Variants in ELMO1 observed in about 807,000 individuals in gnomAD.
The protein encoded by ELMO1 is engulfment and cell motility protein 1.
In ELMO1, 26 loss-of-function variants were observed where a neutral mutation model predicts 98.9. The observed-to-expected ratio is 0.26, with a 90% CI of 0.19 to 0.36. The LOEUF is 0.36. ELMO1 is among the 10% of genes least tolerant of loss of function. ELMO1 has a pLI of 1.00. For missense variants in ELMO1, 627 were observed against 935.2 expected (o/e 0.67, Z 4.30); for synonymous variants, 346 against 346.0 (o/e 1.00, Z 0.00).
At position 37,156,347 on chromosome 7, in the gene ELMO1, C is replaced by CA. The variant is rs1788764052; in HGVS notation, c.1087-23114dup. On this transcript the variant is annotated intron_variant, in intron 13 of 21. Transcript: ENST00000310758. Reference sequence around the variant, plus strand: ...AGCAGAACTGAAGGAGACAGAGATACAAAAAAACCCTTCAAAAAAATCAAT... The same window carrying CA: ...AGCAGAACTGAAGGAGACAGAGATACAAAAAAAACCCTTCAAAAAAATCAAT... 2.0e-5 allele frequency among the ~76,000 whole-genome samples: 3 copies of CA among 151,820 alleles called. No individual in the cohort carries two copies. The South Asian group carries it at 6.2e-4, about 32-fold the overall frequency.
intron 1 of ELMO1, among the ~76,000 whole-genome samples, chr7:37,391,453 C>T (rs916664975): frequency 4.6e-5 from 7 of 152,114 alleles, no homozygotes; most frequent in Admixed American, 3.3e-4. Flanking sequence ...GTGTGCAAGG[C>T]CTTATAATAT....
At chr7:37,168,604 T>C (rs4361688) in intron 13 of ELMO1, among the ~76,000 whole-genome samples, 145,285 of 152,234 alleles carry the variant, frequency 0.95, 69,649 homozygotes, top group Non-Finnish European at 1. Flanking sequence ...GAGGTCCACT[T>C]CAGACCCTGT....
At chr7:37,291,202 C>T (rs35186645) in intron 4 of ELMO1, among the ~76,000 whole-genome samples, 7 of 152,200 alleles carry the variant, frequency 4.6e-5, no homozygotes, top group Non-Finnish European at 8.8e-5. Context: ...ATAATACCCC[C>T]TACACACACT....
intron 16 of ELMO1, among the ~76,000 whole-genome samples, chr7:36,967,778 A>C (rs1306286563): frequency 6.6e-6 from 1 of 152,218 alleles, no homozygotes; most frequent in Non-Finnish European, 1.5e-5. Context: ...AAGAGAATGC[A>C]ACCTAGCTAA....
intron 13 of ELMO1, among the ~76,000 whole-genome samples, chr7:37,173,094 C>A (rs1421829939): frequency 6.6e-6 from 1 of 152,230 alleles, no homozygotes; most frequent in Non-Finnish European, 1.5e-5. Flanking sequence ...AATAGCATTT[C>A]CTGTATCTTA....
intron 4 of ELMO1, among the ~76,000 whole-genome samples, chr7:37,285,991 G>C (rs74929244): frequency 0.048 from 7,200 of 151,198 alleles, 233 homozygotes; most frequent in Middle Eastern, 0.075. Flanking sequence ...AAGTGCTACA[G>C]AGACAAGAAA....
Position 36,906,622 on chromosome 7 carries a change from A to G in ELMO1, c.1438-11605T>C, listed in dbSNP as rs186963463. Among the ~76,000 whole-genome samples, 90 of 152,282 alleles carry G rather than the reference A, an allele frequency of 5.9e-4. 1 individual carries two copies. The highest frequency in any genetic ancestry group is 2.1e-3 in the African/African-American group (88 of 41,556). Reference sequence around the variant, plus strand: ...ATAACCAGACCAGTGTCCACCGCTGAGAAACTCAAGCACTTAGGTGAGGCC... The same window carrying G: ...ATAACCAGACCAGTGTCCACCGCTGGGAAACTCAAGCACTTAGGTGAGGCC... On this transcript the variant is annotated intron_variant, in intron 16 of 21. Transcript: ENST00000310758.
At chr7:37,217,797 G>A in intron 10 of ELMO1, 1 of 457,074 alleles carries the variant, frequency 2.2e-6, no homozygotes. Flanking sequence ...AAGCAAGCAG[G>A]AGAGAAGAAG....
intron 13 of ELMO1, among the ~76,000 whole-genome samples, chr7:37,192,970 GATATATATATATATATAT>G (rs374892700): frequency 0.023 from 920 of 40,096 alleles, 10 homozygotes; most frequent in South Asian, 0.048. Context: ...ATATATAGGA[GATATATATATATATATAT>G]ATATATATAT....
intron 14 of ELMO1, among the ~76,000 whole-genome samples, chr7:37,132,436 C>T (rs935511172): frequency 6.6e-6 from 1 of 152,144 alleles, no homozygotes; most frequent in Non-Finnish European, 1.5e-5. Flanking sequence ...GGGTTCTTCA[C>T]CCTGAGGACA....
At chr7:36,987,288 C>T (rs1338266837) in intron 16 of ELMO1, among the ~76,000 whole-genome samples, 1 of 152,092 alleles carries the variant, frequency 6.6e-6, no homozygotes, top group African/African-American at 2.4e-5. Flanking sequence ...GCTGCCATCT[C>T]TCTCCTTAGC....
At chr7:36,961,521 T>C (rs1584440493) in intron 16 of ELMO1, among the ~76,000 whole-genome samples, 2 of 152,186 alleles carry the variant, frequency 1.3e-5, no homozygotes, top group African/African-American at 4.8e-5. Flanking sequence ...GAGTGAAAGA[T>C]AAAATAGAAA....
At chr7:37,068,549 TAA>T (rs1797105132) in intron 15 of ELMO1, among the ~76,000 whole-genome samples, 1 of 152,116 alleles carries the variant, frequency 6.6e-6, no homozygotes, top group Non-Finnish European at 1.5e-5. Context: ...TATGCCTCAG[TAA>T]AACACAAATA....
At chr7:37,277,435 T>C (rs1796901531) in intron 4 of ELMO1, among the ~76,000 whole-genome samples, 2 of 152,174 alleles carry the variant, frequency 1.3e-5, no homozygotes, top group Non-Finnish European at 2.9e-5. Flanking sequence ...GACATCTTCA[T>C]GGAACAGAGA....
chr7:37,035,181 G>A (rs180828654), intron 15 of ELMO1, among the ~76,000 whole-genome samples: 9 of 152,190 alleles, frequency 5.9e-5, no homozygotes, highest in African/African-American at 4.8e-5. Context: ...TCTTAATGGC[G>A]GTTTGGAACT....
intron 14 of ELMO1, among the ~76,000 whole-genome samples, chr7:37,107,357 G>GT (rs944957722): frequency 1.3e-5 from 2 of 152,202 alleles, no homozygotes; most frequent in African/African-American, 4.8e-5. Flanking sequence ...TGAGCCTTGA[G>GT]TTCAACCTTG....
At chr7:37,254,941 A>T (rs749748029) in intron 6 of ELMO1, among the ~76,000 whole-genome samples, 1 of 152,240 alleles carries the variant, frequency 6.6e-6, no homozygotes, top group African/African-American at 2.4e-5. Context: ...TCTGAGGAAT[A>T]GTGAATCTTT....
intron 1 of ELMO1, chr7:37,375,798 C>A: frequency 1.1e-6 from 1 of 901,296 alleles, no homozygotes; most frequent in Non-Finnish European, 1.8e-6. Flanking sequence ...CTGTGCCTGC[C>A]ACTGTACACT....
At chr7:37,404,523 C>T (rs4723647) in intron 1 of ELMO1, among the ~76,000 whole-genome samples, 50,028 of 151,962 alleles carry the variant, frequency 0.33, 8,575 homozygotes, top group East Asian at 0.44. Flanking sequence ...TCCATGTTAA[C>T]GGAAGTAACA....
Sources: gnomAD v4.1 joint callset for allele counts (sites outside exome capture counted in the v4.1 genomes callset) on GRCh38, gnomAD v4.1.1 for gene constraint, MANE v1.5 for transcripts, NCBI Gene and HGNC (gene_info 2026-07-23, HGNC 2026-07-21) for gene names.